The following GPR158 variants were observed in gnomAD, a reference collection of about 807,000 sequenced individuals.
GPR158 encodes G protein-coupled receptor 158.
In GPR158, 30 loss-of-function variants were observed where a neutral mutation model predicts 78.2. That is an observed-to-expected ratio of 0.38 (90% CI 0.29 to 0.52). The LOEUF (loss-of-function observed/expected upper bound fraction) is 0.52. GPR158 is among the 20% of genes least tolerant of loss of function. The pLI, the probability that GPR158 is intolerant of heterozygous loss-of-function variation, is 0.83. For synonymous variants in GPR158, 581 were observed against 591.1 expected, an observed-to-expected ratio of 0.98 and a Z score of 0.25; for missense variants, 1,463 against 1,523.5, an observed-to-expected ratio of 0.96 and a Z score of 0.66.
chr10:25,347,422 A>C (rs1855385109), intron 2 of GPR158, among the ~76,000 whole-genome samples: 2 of 151,984 alleles, frequency 1.3e-5, no homozygotes, highest in Non-Finnish European at 2.9e-5. Context: ...CTATCTGTCA[A>C]CTGTTTTTTA....
At chr10:25,495,295 CTTTTTT>C (rs71399976) in intron 5 of GPR158, among the ~76,000 whole-genome samples, 2 of 91,096 alleles carry the variant, frequency 2.2e-5, no homozygotes, top group Non-Finnish European at 4.0e-5. Flanking sequence ...TTCTTTTCTG[CTTTTTT>C]TTTTTTTTTT....
intron 2 of GPR158, among the ~76,000 whole-genome samples, chr10:25,370,687 C>G (rs2130548474): frequency 6.6e-6 from 1 of 151,072 alleles, no homozygotes; most frequent in Non-Finnish European, 1.5e-5. Context: ...ATTAGGTCCG[C>G]TTGATGCAGA....
At chr10:25,245,828 A>G (rs1216425195) in intron 2 of GPR158, among the ~76,000 whole-genome samples, 1 of 152,218 alleles carries the variant, frequency 6.6e-6, no homozygotes, top group Non-Finnish European at 1.5e-5. Flanking sequence ...CTTAATCTTG[A>G]AAACACTGAG....
chr10:25,320,867 G>GT (rs1271250027), intron 2 of GPR158, among the ~76,000 whole-genome samples: 1 of 152,160 alleles, frequency 6.6e-6, no homozygotes, highest in African/African-American at 2.4e-5. Context: ...TAGATCTCAG[G>GT]TGGAGGTAAG....
At chr10:25,373,702 A>G (rs551253751) in intron 2 of GPR158, among the ~76,000 whole-genome samples, 4 of 151,944 alleles carry the variant, frequency 2.6e-5, no homozygotes, top group African/African-American at 9.6e-5. Flanking sequence ...ATAGAAGTAA[A>G]TATGTTACTT....
At chr10:25,238,491 TGG>T (rs1853559072) in intron 2 of GPR158, among the ~76,000 whole-genome samples, 5 of 152,302 alleles carry the variant, frequency 3.3e-5, no homozygotes, top group African/African-American at 1.2e-4. Flanking sequence ...AAGACATAAA[TGG>T]TCAAGGTGTG....
intron 2 of GPR158, among the ~76,000 whole-genome samples, chr10:25,304,498 C>T (rs1284541107): frequency 1.3e-5 from 2 of 152,012 alleles, no homozygotes; most frequent in Non-Finnish European, 2.9e-5. Context: ...CTCTCAGTGC[C>T]TGTTTTCTTA....
chr10:25,488,025 C>T (rs576325176), intron 5 of GPR158, among the ~76,000 whole-genome samples: 1 of 152,076 alleles, frequency 6.6e-6, no homozygotes, highest in Non-Finnish European at 1.5e-5. Flanking sequence ...TTAGGATTGG[C>T]TGCGAGTACC....
intron 5 of GPR158, among the ~76,000 whole-genome samples, chr10:25,474,738 T>C (rs1177761073): frequency 2.0e-5 from 3 of 152,120 alleles, no homozygotes; most frequent in Non-Finnish European, 4.4e-5. Flanking sequence ...AGAAGCACAG[T>C]AAATAGGCAC....
rs137902206 is a variant in GPR158, at chr10:25,594,415, C to CT, written c.1998+28dup. 0.014 allele frequency: 14,268 copies of CT among 1,031,176 alleles called. 35 individuals carry two copies. The highest frequency in any genetic ancestry group is 0.039 in the African/African-American group (2,310 of 59,884). 63.9% of individuals were successfully genotyped at this position (1,031,176 alleles called of 1,614,324 possible). On this transcript the variant is annotated intron_variant, in intron 9 of 10. Coordinates refer to ENST00000376351, the MANE Select transcript of GPR158 (RefSeq NM_020752.3). Reference sequence around the variant, plus strand: ...TTCCAAAGGTATTCTTCTAATATTACTTTTTTTTTTGCAAAACTTATTTTT... The same window carrying CT: ...TTCCAAAGGTATTCTTCTAATATTACTTTTTTTTTTTGCAAAACTTATTTTT...
chr10:25,199,279 A>G (rs1852888159), intron 1 of GPR158, among the ~76,000 whole-genome samples: 1 of 152,102 alleles, frequency 6.6e-6, no homozygotes, highest in Admixed American at 6.6e-5. Context: ...TAAGCATAGT[A>G]CCTGATAGGT....
chr10:25,217,880 C>T (rs183504599), intron 1 of GPR158, among the ~76,000 whole-genome samples: 6 of 152,238 alleles, frequency 3.9e-5, no homozygotes, highest in African/African-American at 7.2e-5. Flanking sequence ...GCCACTTACA[C>T]GCTTTTTTTT....
chr10:25,511,340 C>T (rs1032627473), intron 5 of GPR158, among the ~76,000 whole-genome samples: 2 of 152,080 alleles, frequency 1.3e-5, no homozygotes, highest in African/African-American at 4.8e-5. Flanking sequence ...ATTTGTATAT[C>T]TTCTTCTGAG....
chr10:25,563,105 T>A (rs1426842208), intron 6 of GPR158, among the ~76,000 whole-genome samples: 1 of 126,276 alleles, frequency 7.9e-6, no homozygotes, highest in Non-Finnish European at 1.6e-5. Context: ...GGTTATTATT[T>A]ACGTAAAATA....
chr10:25,287,449 A>G (rs113810974), intron 2 of GPR158, among the ~76,000 whole-genome samples: 1,821 of 152,040 alleles, frequency 0.012, 25 homozygotes, highest in South Asian at 0.057. Context: ...CTATCTTAGG[A>G]CCCTCACTAA....
chr10:25,351,827 G>A (rs1263420195), intron 2 of GPR158, among the ~76,000 whole-genome samples: 1 of 151,102 alleles, frequency 6.6e-6, no homozygotes, highest in African/African-American at 2.4e-5. Context: ...GTGGTTTGCT[G>A]CACAGATCAT....
At chr10:25,178,012 G>A (rs1374463574) in intron 1 of GPR158, among the ~76,000 whole-genome samples, 1 of 151,664 alleles carries the variant, frequency 6.6e-6, no homozygotes, top group African/African-American at 2.4e-5. Flanking sequence ...GCAAACTGTA[G>A]CCTTTAAATG....
intron 5 of GPR158, among the ~76,000 whole-genome samples, chr10:25,550,649 A>T (rs986610448): frequency 1.3e-5 from 2 of 152,160 alleles, no homozygotes; most frequent in South Asian, 2.1e-4. Context: ...TGTGTATAAC[A>T]TGCAGGTTTG....
intron 2 of GPR158, among the ~76,000 whole-genome samples, chr10:25,252,650 T>C (rs1853824058): frequency 6.6e-6 from 1 of 152,172 alleles, no homozygotes; most frequent in South Asian, 2.1e-4. Flanking sequence ...AGGGACCCAC[T>C]TGAAGAGGCA....
Sources: allele counts gnomAD v4.1 joint callset (sites outside exome capture counted in the v4.1 genomes callset), GRCh38; gene constraint gnomAD v4.1.1; transcripts MANE v1.5; gene names NCBI Gene and HGNC (gene_info 2026-07-23, HGNC 2026-07-21).